The following POMC variants were observed in gnomAD, a reference collection of about 807,000 sequenced individuals.
The protein encoded by POMC is proopiomelanocortin, also known as pro-opiomelanocortin.
Under a neutral mutation model 18.5 loss-of-function variants are expected in POMC, and 19 were observed. That is an observed-to-expected ratio of 1.03 (90% CI 0.72 to 1.51). POMC has a LOEUF of 1.51. Among genes scored for constraint, POMC ranks in the 40% most tolerant of loss-of-function variants. The pLI, the probability that POMC is intolerant of heterozygous loss-of-function variation, is 0.00. For synonymous variants in POMC, 179 were observed against 161.9 expected (o/e 1.11, Z -0.80); for missense variants, 451 against 379.0 (o/e 1.19, Z -1.58).
In POMC at chr2:25,161,375, C is replaced by T. The variant is rs1336405278; in HGVS notation, c.510G>A (p.Glu170=). 6.2e-7 allele frequency: 1 copy of T among 1,605,684 alleles called. No individual in the cohort carries two copies. The highest frequency in any genetic ancestry group is 8.5e-7 in the Non-Finnish European group (1 of 1,176,472). The change falls in exon 3 of 3, where the codon GAG becomes GAA. Residue 170 remains glutamate (E), a synonymous_variant. Transcript: ENST00000395826. The surrounding 1 kb of genome is among the most constrained non-coding windows in gnomAD (Gnocchi z 5.7). ...CCCTCTTGAACTCCAGGGGGAAGGC[C>T]TCGGCCGACTCGTCCTCGGCGCCGT... ...YPNGAEDESA[E]AFPLEFKREL... is the part of the protein sequence containing the mutation.
Position 25,161,588 on chromosome 2 carries a change from GC to G in POMC, c.296del (p.Gly99AlafsTer59), listed in dbSNP as rs1558628611. The G allele has an allele frequency of 2.0e-6, 3 of 1,523,638 alleles. No individual in the cohort carries two copies. Among genetic ancestry groups the G allele is most frequent in the Middle Eastern group, 1.7e-4 (1 of 5,932 alleles). 94.4% of individuals were successfully genotyped at this position (1,523,638 alleles called of 1,614,324 possible). On this transcript the variant is annotated frameshift_variant, in exon 3 of 3. Coordinates refer to ENST00000395826, the MANE Select transcript of POMC (RefSeq NM_000939.4). LOFTEE classifies it high-confidence loss of function. This position sits in a 1 kb window ranked among gnomAD's most constrained non-coding sequence, Gnocchi z 5.7. The stretch of plus-strand genomic sequence containing the variant: ...AGACGTCCTCGCGCTTCTGCCCTGC[GC>G]CGCTGCTGCCGCTGCTGCTGCTGTT... ...RRNSSSSGSS[G>X]AGQKREDVSA...
Position 25,161,535 on chromosome 2 carries a change from G to C in POMC, c.350C>G (p.Pro117Arg). 6.3e-7 allele frequency: 1 copy of C among 1,582,476 alleles called. No homozygotes were observed. ...GCTGCGGGGCTCGGGGCCGCCCTCA[G>C]GCAGCGGGCCGCAGTCTTCGCCCGC... ...VSAGEDCGPLPEGGPEPRSDG... is the reference protein window; with the variant it reads ...VSAGEDCGPLREGGPEPRSDG... Residue 117 changes from proline (P) to arginine (R), a missense_variant, in exon 3 of 3, where the codon CCT becomes CGT. By Grantham distance (103) the Pro-to-Arg change is moderately radical. Transcript: ENST00000395826. The surrounding 1 kb of genome is among the most constrained non-coding windows in gnomAD (Gnocchi z 5.7).
In POMC at chr2:25,168,021, G is replaced by A. The variant is rs1671614844; in HGVS notation, c.-21+477C>T. The stretch of plus-strand genomic sequence containing the variant: ...ATACAAAAATTAGCCGGGCGTGGTG[G>A]CGCATGCCTGTAATCCCAGCTACTC... On this transcript the variant is annotated intron_variant, in intron 1 of 2. Transcript: ENST00000395826. This position sits in a 1 kb window ranked among gnomAD's most constrained non-coding sequence, Gnocchi z 5.2. 6.6e-6 allele frequency among the ~76,000 whole-genome samples: 1 copy of A among 152,300 alleles called. No homozygotes were observed. Among genetic ancestry groups the A allele is most frequent in the South Asian group, 2.1e-4 (1 of 4,826 alleles).
At position 25,160,976 on chromosome 2, in the gene POMC, C is replaced by T. The variant is rs1189232273; in HGVS notation, c.*105G>A. ...CAGGCAGCTTTAAGAGGCTGATTAT[C>T]TGCCACGACCCCCCAGGCTGGGAGG... On this transcript the variant is annotated 3_prime_UTR_variant, in exon 3 of 3. Coordinates refer to ENST00000395826, the MANE Select transcript of POMC (RefSeq NM_000939.4). The T allele has an allele frequency of 6.4e-6, 10 of 1,551,210 alleles. No individual in the cohort carries two copies. The highest frequency in any genetic ancestry group is 8.7e-6 in the Non-Finnish European group (10 of 1,151,046).
rs757563301 is a variant in POMC, at chr2:25,164,691, ACCAG to A, written c.78_81del (p.Trp27AlafsTer43). ...TCCTGACACTGGCTGCTCTCCAGGC[ACCAG>A]CCACGCACTTCCATGGAGGCCTGAA... On this transcript the variant is annotated frameshift_variant, in exon 2 of 3. Transcript: ENST00000395826. LOFTEE classifies it high-confidence loss of function. The A allele has an allele frequency of 1.2e-6, 2 of 1,614,130 alleles. No individual in the cohort carries two copies. Among genetic ancestry groups the A allele is most frequent in the Non-Finnish European group, 1.7e-6 (2 of 1,180,036 alleles).
chr2:25,166,691 GTACAATGTGGTAACA>G (rs1282906432), intron 1 of POMC, among the ~76,000 whole-genome samples: 1 of 152,114 alleles, frequency 6.6e-6, no homozygotes, highest in Non-Finnish European at 1.5e-5. Flanking sequence ...GTGCTGTGTT[GTACAATGTGGTAACA>G]TATTCACTCC....
At chr2:25,165,624 G>C (rs1671529589) in intron 1 of POMC, 1 of 152,208 alleles carries the variant, frequency 6.6e-6, no homozygotes, top group Non-Finnish European at 1.5e-5. Flanking sequence ...AAAGAGACCA[G>C]AAGGGAATTA....
Position 25,168,302 on chromosome 2 carries a change from AC to A in POMC, c.-21+195del, listed in dbSNP as rs1285759076. 6.6e-6 allele frequency among the ~76,000 whole-genome samples: 1 copy of A among 152,154 alleles called. No individual in the cohort carries two copies. Among genetic ancestry groups the A allele is most frequent in the Non-Finnish European group, 1.5e-5 (1 of 68,012 alleles). ...TCGCGGCCGTCCGCCCAGGGGCCGG[AC>A]GTGGGCCCTCCAGCTCAGCTACTGG... is the stretch of plus-strand genomic sequence containing the variant. On this transcript the variant is annotated intron_variant, in intron 1 of 2. Transcript: ENST00000395826. The surrounding 1 kb of genome is among the most constrained non-coding windows in gnomAD (Gnocchi z 5.2).
Position 25,161,346 on chromosome 2 carries a change from A to C in POMC, c.539T>G (p.Leu180Arg). Reference sequence around the variant, plus strand: ...TCCCTCCCGGAGTCGCTGGCCAGTCAGCTCCCTCTTGAACTCCAGGGGGAA... The same window carrying C: ...TCCCTCCCGGAGTCGCTGGCCAGTCCGCTCCCTCTTGAACTCCAGGGGGAA... The part of the protein sequence containing the change: ...EAFPLEFKRE[L>R]TGQRLREGDG... Residue 180 changes from leucine to arginine, a missense_variant, in exon 3 of 3, where the codon CTG becomes CGG. Physicochemically the swap from Leu to Arg is moderately radical, Grantham distance 102 (BLOSUM62 -2). Transcript: ENST00000395826. This position sits in a 1 kb window ranked among gnomAD's most constrained non-coding sequence, Gnocchi z 5.7. 6.2e-7 allele frequency: 1 copy of C among 1,605,946 alleles called. No individual in the cohort carries two copies. Among genetic ancestry groups the C allele is most frequent in the African/African-American group, 1.3e-5 (1 of 74,748 alleles).
chr2:25,167,227 A>G (rs1337479205), intron 1 of POMC, among the ~76,000 whole-genome samples: 1 of 152,234 alleles, frequency 6.6e-6, no homozygotes, highest in African/African-American at 2.4e-5. Context: ...TCAAAGGAAC[A>G]GTAAGTCATT....
chr2:25,162,957 A>G (rs1404415119), intron 2 of POMC, among the ~76,000 whole-genome samples: 1 of 151,582 alleles, frequency 6.6e-6, no homozygotes, highest in Non-Finnish European at 1.5e-5. Flanking sequence ...TTTCCATTGC[A>G]CCGTCTGTGG....
intron 1 of POMC, 49 bp from the exon 2 acceptor site, chr2:25,164,841 T>C: frequency 1.2e-6 from 2 of 1,602,100 alleles, no homozygotes; most frequent in African/African-American, 1.3e-5. Context: ...AGCAAAACAA[T>C]GTTGGCCACT....
Position 25,161,672 on chromosome 2 carries a change from G to T in POMC, c.213C>A (p.Thr71=), listed in dbSNP as rs775640407. 2 of 1,566,572 alleles carry T rather than the reference G, an allele frequency of 1.3e-6. No individual in the cohort carries two copies. Among genetic ancestry groups the T allele is most frequent in the Admixed American group, 1.9e-5 (1 of 53,578 alleles). ...CCATGACGTACTTCCGGGGGTTCTC[G>T]GTCAGAGGCTGCTCGTCGCCATTTC... The part of the protein sequence containing the change: ...FPGNGDEQPL[T]ENPRKYVMGH... The change falls in exon 3 of 3, where the codon ACC becomes ACA. Residue 71 remains threonine, a synonymous_variant. Coordinates refer to ENST00000395826, the MANE Select transcript of POMC (RefSeq NM_000939.4). The surrounding 1 kb of genome is among the most constrained non-coding windows in gnomAD (Gnocchi z 5.7).
chr2:25,161,608 T>A lies in POMC; in HGVS notation c.277A>T (p.Ser93Cys). The A allele has an allele frequency of 6.9e-7, 1 of 1,458,812 alleles. No homozygotes were observed. The highest frequency in any genetic ancestry group is 9.2e-7 in the Non-Finnish European group (1 of 1,081,476). 90.4% of individuals were successfully genotyped at this position (1,458,812 alleles called of 1,614,324 possible). A position where few individuals can be genotyped will look rare whatever the true frequency, so the allele number is the denominator to read the frequency against. ...RWDRFGRRNS[S>C]SSGSSGAGQK... ...CCTGCGCCGCTGCTGCCGCTGCTGC[T>A]GCTGTTGCGGCGGCCGAATCGGTCC... is the stretch of plus-strand genomic sequence containing the variant. The change falls in exon 3 of 3, where the codon AGC becomes TGC. Residue 93 changes from serine (S) to cysteine (C), a missense_variant. Transcript: ENST00000395826. This position sits in a 1 kb window ranked among gnomAD's most constrained non-coding sequence, Gnocchi z 5.7.
At position 25,161,363 on chromosome 2, in the gene POMC, C is replaced by T. The variant is rs1454909656; in HGVS notation, c.522G>A (p.Leu174=). The T allele has an allele frequency of 6.2e-7, 1 of 1,606,334 alleles. No individual in the cohort carries two copies. The highest frequency in any genetic ancestry group is 2.2e-5 in the East Asian group (1 of 44,574). ...AEDESAEAFP[L]EFKRELTGQR... ...GGCCAGTCAGCTCCCTCTTGAACTCCAGGGGGAAGGCCTCGGCCGACTCGT... is the reference window on the plus strand; with the variant it reads ...GGCCAGTCAGCTCCCTCTTGAACTCTAGGGGGAAGGCCTCGGCCGACTCGT... Residue 174 remains leucine (L), a synonymous_variant, in exon 3 of 3, where the codon CTG becomes CTA. Coordinates refer to ENST00000395826, the MANE Select transcript of POMC (RefSeq NM_000939.4). The surrounding 1 kb of genome is among the most constrained non-coding windows in gnomAD (Gnocchi z 5.7).
Position 25,161,164 on chromosome 2 carries a change from T to C in POMC, c.721A>G (p.Met241Val). ...GGCGTCTGGCTCTTCTCGGAGGTCATGAAACCGCCGTAGCGCTTGTCCTTG... is the reference window on the plus strand; with the variant it reads ...GGCGTCTGGCTCTTCTCGGAGGTCACGAAACCGCCGTAGCGCTTGTCCTTG... ...PPKDKRYGGF[M>V]TSEKSQTPLV... is the part of the protein sequence containing the mutation. Residue 241 changes from methionine to valine, a missense_variant, in exon 3 of 3, where the codon ATG becomes GTG. Physicochemically the swap from Met to Val is conservative, Grantham distance 21. Coordinates refer to ENST00000395826, the MANE Select transcript of POMC (RefSeq NM_000939.4). This position sits in a 1 kb window ranked among gnomAD's most constrained non-coding sequence, Gnocchi z 5.7. 2 of 1,613,872 alleles carry C rather than the reference T, an allele frequency of 1.2e-6. No individual in the cohort carries two copies. The highest frequency in any genetic ancestry group is 2.2e-5 in the South Asian group (2 of 91,072).
chr2:25,161,551 C>A lies in POMC; in HGVS notation c.334G>T (p.Asp112Tyr), dbSNP rs754188016. Residue 112 changes from aspartate to tyrosine, a missense_variant, in exon 3 of 3, where the codon GAC (aspartate) becomes TAC (tyrosine). Transcript: ENST00000395826. The surrounding 1 kb of genome is among the most constrained non-coding windows in gnomAD (Gnocchi z 5.7). ...CCGCCCTCAGGCAGCGGGCCGCAGT[C>A]TTCGCCCGCTGAGACGTCCTCGCGC... ...QKREDVSAGEDCGPLPEGGPE... is the reference protein window; with the variant it reads ...QKREDVSAGEYCGPLPEGGPE... 4.1e-5 allele frequency: 64 copies of A among 1,574,484 alleles called. No homozygotes were observed. Among genetic ancestry groups the A allele is most frequent in the Non-Finnish European group, 5.5e-5 (64 of 1,160,468 alleles).
In POMC at chr2:25,161,299, C is replaced by G. The variant is rs1179065078; in HGVS notation, c.586G>C (p.Asp196His). The G allele has an allele frequency of 2.5e-6, 4 of 1,609,928 alleles. No homozygotes were observed. The highest frequency in any genetic ancestry group is 1.1e-5 in the South Asian group (1 of 90,328). The change falls in exon 3 of 3, where the codon GAT becomes CAT. Residue 196 changes from aspartate to histidine, a missense_variant. Coordinates refer to ENST00000395826, the MANE Select transcript of POMC (RefSeq NM_000939.4). This position sits in a 1 kb window ranked among gnomAD's most constrained non-coding sequence, Gnocchi z 5.7. Reference protein sequence around the residue: ...REGDGPDGPADDGAGAQADLE... With the variant: ...REGDGPDGPAHDGAGAQADLE... ...TCGGCCTGGGCCCCTGCGCCGTCATCGGCAGGGCCGTCGGGGCCATCTCCC... is the reference window on the plus strand; with the variant it reads ...TCGGCCTGGGCCCCTGCGCCGTCATGGGCAGGGCCGTCGGGGCCATCTCCC...
At chr2:25,163,978 A>AAC (rs144710976) in intron 2 of POMC, among the ~76,000 whole-genome samples, 130 of 149,736 alleles carry the variant, frequency 8.7e-4, no homozygotes, top group Middle Eastern at 3.4e-3. Context: ...TATGCCCCCC[A>AAC]ACACACACAC....
Sources: gnomAD v4.1 joint callset for allele counts (sites outside exome capture counted in the v4.1 genomes callset) on GRCh38, gnomAD v4.1.1 for gene constraint, Gnocchi (gnomAD v3.1) non-coding constraint, MANE v1.5 for transcripts, NCBI Gene and HGNC (gene_info 2026-07-23, HGNC 2026-07-21) for gene names.